The following IHO1 variants were observed in gnomAD, a reference collection of about 807,000 sequenced individuals.
IHO1 encodes interactor of HORMAD1 protein 1.
A neutral mutation model predicts 31.0 loss-of-function variants in IHO1; 13 were observed. That is an observed-to-expected ratio of 0.42 (90% CI 0.27 to 0.67). IHO1 has a LOEUF of 0.67. Ranked by LOEUF, IHO1 falls within the 30% of genes least tolerant of loss-of-function variation. The pLI is 0.24. For missense variants in IHO1, 599 were observed against 687.5 expected (o/e 0.87, Z 1.44); for synonymous variants, 221 against 248.4 (o/e 0.89, Z 1.04).
intron 2 of IHO1, among the ~76,000 whole-genome samples, chr3:49,224,987 T>C (rs2046401391): frequency 6.6e-6 from 1 of 152,352 alleles, no homozygotes; most frequent in East Asian, 1.9e-4. Flanking sequence ...TGAGATTCTT[T>C]CCTTGTATTA....
chr3:49,192,586 C>T, the IHO1 span, among the ~76,000 whole-genome samples: 2 of 152,080 alleles, frequency 1.3e-5, no homozygotes, highest in South Asian at 2.1e-4. Context: ...CCCTCTCATG[C>T]GAACTCACAG....
chr3:49,246,160 C>T lies in IHO1; in HGVS notation c.532+1427C>T, dbSNP rs938321386. On this transcript the variant is annotated intron_variant, in intron 6 of 7. Transcript: ENST00000452691. ...TGGCGCCACTGCACTCCAGCCTGGACGACAGAGCGAGACTCCGTCAAAAAA... is the reference window on the plus strand; with the variant it reads ...TGGCGCCACTGCACTCCAGCCTGGATGACAGAGCGAGACTCCGTCAAAAAA... 1.7e-4 allele frequency among the ~76,000 whole-genome samples: 22 copies of T among 133,282 alleles called. No homozygotes were observed. In the South Asian group the frequency reaches 2.8e-3, roughly 17 times the overall value. The allele number at this position is 133,282 out of a possible 152,430, so 87.4% of individuals were successfully genotyped here. A position where few individuals can be genotyped will look rare whatever the true frequency, so the allele number is the denominator to read the frequency against.
intron 1 of IHO1, among the ~76,000 whole-genome samples, chr3:49,210,414 T>A (rs1289536172): frequency 6.6e-6 from 1 of 151,978 alleles, no homozygotes; most frequent in Non-Finnish European, 1.5e-5. Context: ...TTTTTTTTTT[T>A]TGAGGCAGAG....
At chr3:49,251,553 G>C (rs1050704553) in intron 6 of IHO1, among the ~76,000 whole-genome samples, 1 of 151,890 alleles carries the variant, frequency 6.6e-6, no homozygotes, top group African/African-American at 2.4e-5. Flanking sequence ...CAAAGTGCTG[G>C]GATTACTGGT....
chr3:49,256,380 G>C lies in IHO1; in HGVS notation c.883G>C (p.Val295Leu). 1.9e-6 allele frequency: 3 copies of C among 1,614,190 alleles called. No individual in the cohort carries two copies. Among genetic ancestry groups the C allele is most frequent in the Non-Finnish European group, 2.5e-6 (3 of 1,180,038 alleles). The change falls in exon 8 of 8, where the codon GTT (valine) becomes CTT (leucine). Residue 295 changes from valine to leucine, a missense_variant. Transcript: ENST00000452691. This position sits in a 1 kb window ranked among gnomAD's most constrained non-coding sequence, Gnocchi z 4.6. ...RQEKYTSEKP[V>L]LWQAQALPAA... ...GGAAAAATACACCTCTGAGAAACCA[G>C]TTTTATGGCAGGCCCAGGCCCTCCC...
intron 2 of IHO1, among the ~76,000 whole-genome samples, chr3:49,230,003 G>A (rs187746702): frequency 6.5e-4 from 99 of 152,248 alleles, no homozygotes; most frequent in East Asian, 5.4e-3. Context: ...TGAAGGAACC[G>A]CTTCAAGTGG....
intron 6 of IHO1, among the ~76,000 whole-genome samples, chr3:49,247,638 A>G (rs184344148): frequency 6.6e-6 from 1 of 151,780 alleles, no homozygotes; most frequent in African/African-American, 2.4e-5. Context: ...AAAATAAACA[A>G]AACCAGCAGG....
upstream of IHO1, among the ~76,000 whole-genome samples, chr3:49,193,806 AC>A (rs1233038846): frequency 2.1e-5 from 3 of 143,016 alleles, no homozygotes; most frequent in Non-Finnish European, 4.6e-5. Context: ...TACTTAAAAT[AC>A]AAAAATTAGC....
the IHO1 span, chr3:49,191,671 C>T: frequency 6.6e-7 from 1 of 1,512,328 alleles, no homozygotes; most frequent in Non-Finnish European, 9.1e-7. Context: ...TTTCACTTCA[C>T]CGGCATGACT....
chr3:49,227,967 G>T (rs1343492678), intron 2 of IHO1, among the ~76,000 whole-genome samples: 1 of 152,112 alleles, frequency 6.6e-6, no homozygotes, highest in Non-Finnish European at 1.5e-5. Flanking sequence ...GTGAGCCCAG[G>T]TGCCTAAAGA....
At chr3:49,246,059 G>A (rs996082889) in intron 6 of IHO1, among the ~76,000 whole-genome samples, 2 of 151,854 alleles carry the variant, frequency 1.3e-5, no homozygotes, top group Middle Eastern at 3.4e-3. Flanking sequence ...GTGGGCGCCT[G>A]TAGTCCCAGC....
Position 49,257,137 on chromosome 3 carries a change from T to C in IHO1, c.1640T>C (p.Leu547Pro), listed in dbSNP as rs2046836503. 1 of 1,614,118 alleles carries C rather than the reference T, an allele frequency of 6.2e-7. No individual in the cohort carries two copies. ...TGCTCTTCCCAAGACAACTGGCTAC[T>C]TTCCAGCAGTTCCCAGGGGGACCAC... is the stretch of plus-strand genomic sequence containing the variant. ...SRCSSQDNWL[L>P]SSSSQGDHQM... Residue 547 changes from leucine (L) to proline (P), a missense_variant, in exon 8 of 8, where the codon CTT becomes CCT. Physicochemically the swap from Leu to Pro is moderately conservative, Grantham distance 98. Coordinates refer to ENST00000452691, the MANE Select transcript of IHO1 (RefSeq NM_001135197.2).
At chr3:49,240,325 G>A (rs2046616090) in intron 3 of IHO1, among the ~76,000 whole-genome samples, 1 of 152,202 alleles carries the variant, frequency 6.6e-6, no homozygotes, top group Non-Finnish European at 1.5e-5. Context: ...CTGTGTTAAA[G>A]CAATTCTCCT....
At chr3:49,246,712 T>C (rs2046699294) in intron 6 of IHO1, among the ~76,000 whole-genome samples, 1 of 152,044 alleles carries the variant, frequency 6.6e-6, no homozygotes, top group Non-Finnish European at 1.5e-5. Context: ...AGCAAAAGTA[T>C]GGCGTTTAAA....
At chr3:49,228,542 G>T (rs2046443303) in intron 2 of IHO1, among the ~76,000 whole-genome samples, 1 of 152,206 alleles carries the variant, frequency 6.6e-6, no homozygotes, top group Non-Finnish European at 1.5e-5. Flanking sequence ...GCCAAAATGT[G>T]TCCAGAATGT....
Position 49,256,328 on chromosome 3 carries a change from G to C in IHO1, c.831G>C (p.Leu277Phe), listed in dbSNP as rs2046821751. 1.9e-6 allele frequency: 3 copies of C among 1,614,116 alleles called. No individual in the cohort carries two copies. Among genetic ancestry groups the C allele is most frequent in the Non-Finnish European group, 2.5e-6 (3 of 1,180,018 alleles). ...GTGCTTCTCAGACGTCGCCACCTTT[G>C]GCCCAGAGCCTCAATCTCACCAGGC... is the stretch of plus-strand genomic sequence containing the variant. ...KDSASQTSPP[L>F]AQSLNLTRQE... Residue 277 changes from leucine (L) to phenylalanine (F), a missense_variant, in exon 8 of 8, where the codon TTG (leucine) becomes TTC (phenylalanine). By Grantham distance (22) the Leu-to-Phe change is conservative (BLOSUM62 0). Coordinates refer to ENST00000452691, the MANE Select transcript of IHO1 (RefSeq NM_001135197.2). This position sits in a 1 kb window ranked among gnomAD's most constrained non-coding sequence, Gnocchi z 4.6.
At chr3:49,216,806 C>A (rs534233449) in intron 2 of IHO1, among the ~76,000 whole-genome samples, 5 of 152,156 alleles carry the variant, frequency 3.3e-5, no homozygotes, top group East Asian at 1.9e-4. Flanking sequence ...AGAAAAAAAA[C>A]CCCATCAAAA....
chr3:49,194,788 C>T (rs2045988268), upstream of IHO1, among the ~76,000 whole-genome samples: 2 of 151,386 alleles, frequency 1.3e-5, no homozygotes, highest in African/African-American at 4.8e-5. Flanking sequence ...CTCAACTATT[C>T]GAGAGGCTGA....
At chr3:49,218,376 C>CTTTTT (rs34312848) in intron 2 of IHO1, among the ~76,000 whole-genome samples, 12 of 105,816 alleles carry the variant, frequency 1.1e-4, no homozygotes, top group East Asian at 2.8e-4. Flanking sequence ...CAGTTAATAC[C>CTTTTT]TTTTTTTTTT....
Sources: gnomAD v4.1 joint callset for allele counts (sites outside exome capture counted in the v4.1 genomes callset) on GRCh38, gnomAD v4.1.1 for gene constraint, Gnocchi (gnomAD v3.1) non-coding constraint, MANE v1.5 for transcripts, NCBI Gene and HGNC (gene_info 2026-07-23, HGNC 2026-07-21) for gene names.